Variants in DNM2 observed in about 807,000 individuals in gnomAD.
DNM2 encodes dynamin-2.
A neutral mutation model predicts 99.0 loss-of-function variants in DNM2; 15 were observed. The observed-to-expected ratio is 0.15, with a 90% CI of 0.10 to 0.23. The LOEUF (loss-of-function observed/expected upper bound fraction) is 0.23. DNM2 is among the 10% of genes least tolerant of loss of function. The pLI is 1.00. For missense variants in DNM2, 742 were observed against 1,189.4 expected (o/e 0.62, Z 5.53); for synonymous variants, 525 against 481.2 (o/e 1.09, Z -1.19).
At chr19:10,823,441 G>A (rs1011501575) in intron 16 of DNM2, 3 of 165,804 alleles carry the variant, frequency 1.8e-5, no homozygotes, top group African/African-American at 7.2e-5. Context: ...TAATAATAAA[G>A]TTCTGGTGGA....
intron 7 of DNM2, among the ~76,000 whole-genome samples, chr19:10,791,321 C>G (rs2071744897): frequency 6.6e-6 from 1 of 152,138 alleles, no homozygotes; most frequent in South Asian, 2.1e-4. Flanking sequence ...CTCCTTAGCT[C>G]AAGCGATCCT....
chr19:10,790,249 A>G (rs1199313690), intron 7 of DNM2, among the ~76,000 whole-genome samples: 4 of 152,138 alleles, frequency 2.6e-5, no homozygotes, highest in Non-Finnish European at 5.9e-5. Context: ...TGCAGCCCAC[A>G]GACTGTTCAT....
chr19:10,769,929 C>G (rs975844878), intron 2 of DNM2, among the ~76,000 whole-genome samples: 9 of 152,346 alleles, frequency 5.9e-5, no homozygotes, highest in Middle Eastern at 3.4e-3. Flanking sequence ...CAAAGGCTAT[C>G]TGGCTTAGGA....
chr19:10,747,838 GT>G (rs1225509666), intron 1 of DNM2, among the ~76,000 whole-genome samples: 2 of 152,114 alleles, frequency 1.3e-5, no homozygotes, highest in African/African-American at 4.8e-5. Context: ...GGGTTGATGT[GT>G]GAAAGAAGGG....
chr19:10,825,169 A>G lies in DNM2; in HGVS notation c.2006A>G (p.Lys669Arg). 6.2e-7 allele frequency: 1 copy of G among 1,614,226 alleles called. No individual in the cohort carries two copies. Among genetic ancestry groups the G allele is most frequent in the Non-Finnish European group, 8.5e-7 (1 of 1,180,040 alleles). Residue 669 changes from lysine to arginine, a missense_variant, in exon 18 of 21, where the codon AAG becomes AGG. Transcript: ENST00000389253. ...LVDSYVAIIN[K>R]SIRDLMPKTI... is the part of the protein sequence containing the mutation. ...GACTCATACGTGGCCATCATCAACAAGTCCATCCGCGACCTCATGCCAAAG... is the reference window on the plus strand; with the variant it reads ...GACTCATACGTGGCCATCATCAACAGGTCCATCCGCGACCTCATGCCAAAG...
Position 10,764,203 on chromosome 19 carries a change from A to G in DNM2, c.235+4392A>G, listed in dbSNP as rs1034028070. Among the ~76,000 whole-genome samples, 2 of 152,138 alleles carry G rather than the reference A, an allele frequency of 1.3e-5. No individual in the cohort carries two copies. The highest frequency in any genetic ancestry group is 2.9e-5 in the Non-Finnish European group (2 of 68,016). ...ACCCTTTACTGGCCCGGGACTTGTT[A>G]AAGTGACTTCCCTCTCTGTGCCTTG... On this transcript the variant is annotated intron_variant, in intron 2 of 20. Transcript: ENST00000389253. This position sits in a 1 kb window ranked among gnomAD's most constrained non-coding sequence, Gnocchi z 4.1.
At chr19:10,776,907 C>T (rs563326762) in intron 4 of DNM2, among the ~76,000 whole-genome samples, 51 of 152,332 alleles carry the variant, frequency 3.3e-4, no homozygotes, top group South Asian at 2.3e-3. Context: ...GTGTGCCAGG[C>T]TCACCCTTAT....
intron 1 of DNM2, 147 bp downstream of exon 1, chr19:10,718,550 T>G: frequency 8.7e-7 from 1 of 1,148,562 alleles, no homozygotes; most frequent in Non-Finnish European, 1.1e-6. Flanking sequence ...AGGCGGGCCC[T>G]GTGGGACGCC....
rs751204956 is a variant in DNM2 at position 10,764,897 on chromosome 19, A to C, written c.235+5086A>C. Among the ~76,000 whole-genome samples the C allele has an allele frequency of 1.9e-4, 29 of 151,030 alleles. No individual in the cohort carries two copies. The highest frequency in any genetic ancestry group is 4.0e-4 in the Non-Finnish European group (27 of 67,886). On this transcript the variant is annotated intron_variant, in intron 2 of 20. Transcript: ENST00000389253. The surrounding 1 kb of genome is among the most constrained non-coding windows in gnomAD (Gnocchi z 4.1). ...GTCTGCTGCTCACCCGCACCTGGTC[A>C]CTTGCCGCCTTCGTTCCCCGGTCCC...
Position 10,779,502 on chromosome 19 carries a change from C to CTTTTTTTTTTTTTTTTTTTTTTTTT in DNM2, c.688+2287_688+2311dup, listed in dbSNP as rs55819116. On this transcript the variant is annotated intron_variant, in intron 5 of 20. Coordinates refer to ENST00000389253, the MANE Select transcript of DNM2 (RefSeq NM_001005361.3). ...TCTTTCTTTCTTTCTTTCTTTCTTT[C>CTTTTTTTTTTTTTTTTTTTTTTTTT]TTTTTTTTTTTTTTTTTTTTTTTTT... 2.4e-3 allele frequency among the ~76,000 whole-genome samples: 72 copies of CTTTTTTTTTTTTTTTTTTTTTTTTT among 29,626 alleles called. 1 individual carries two copies. The highest frequency in any genetic ancestry group is 2.8e-3 in the Non-Finnish European group (48 of 17,230). 19.4% of individuals were successfully genotyped at this position (29,626 alleles called of 152,430 possible).
At chr19:10,771,021 G>C (rs1398180806) in intron 2 of DNM2, among the ~76,000 whole-genome samples, 1 of 152,136 alleles carries the variant, frequency 6.6e-6, no homozygotes, top group Non-Finnish European at 1.5e-5. Flanking sequence ...TTGAACTCCT[G>C]GGCTCAAGTG....
At chr19:10,727,423 T>C (rs1453815943) in intron 1 of DNM2, among the ~76,000 whole-genome samples, 1 of 152,054 alleles carries the variant, frequency 6.6e-6, no homozygotes, top group African/African-American at 2.4e-5. Flanking sequence ...TGAAATGCAG[T>C]GGCGTGATCA....
chr19:10,780,928 G>A (rs1274935482), intron 5 of DNM2, among the ~76,000 whole-genome samples: 1 of 150,162 alleles, frequency 6.7e-6, no homozygotes, highest in Non-Finnish European at 1.5e-5. Context: ...TGAGACATGA[G>A]AATCGCTTGA....
intron 6 of DNM2, among the ~76,000 whole-genome samples, chr19:10,784,003 C>T (rs890395004): frequency 6.6e-6 from 1 of 152,068 alleles, no homozygotes; most frequent in African/African-American, 2.4e-5. Context: ...CCTGGCCTAT[C>T]GTTCTCTTCT....
In DNM2 at chr19:10,775,348, C is replaced by T. The variant is rs370957855; in HGVS notation, c.386-355C>T. Among the ~76,000 whole-genome samples the T allele has an allele frequency of 6.6e-6, 1 of 152,216 alleles. No individual in the cohort carries two copies. Among genetic ancestry groups the T allele is most frequent in the Non-Finnish European group, 1.5e-5 (1 of 68,042 alleles). ...CCACCCACCTCGGCCTCCCAAAGTG[C>T]TGGGATTGCAGATGTGAGCCACCGC... is the stretch of plus-strand genomic sequence containing the variant. On this transcript the variant is annotated intron_variant, in intron 3 of 20. Coordinates refer to ENST00000389253, the MANE Select transcript of DNM2 (RefSeq NM_001005361.3). This position sits in a 1 kb window ranked among gnomAD's most constrained non-coding sequence, Gnocchi z 4.3.
At position 10,775,803 on chromosome 19, in the gene DNM2, G is replaced by T. The variant is rs1271034791; in HGVS notation, c.486G>T (p.Gln162His). 1.2e-6 allele frequency: 2 copies of T among 1,614,040 alleles called. No homozygotes were observed. Among genetic ancestry groups the T allele is most frequent in the African/African-American group, 2.7e-5 (2 of 74,914 alleles). The change falls in exon 4 of 21, where the codon CAG becomes CAT. Residue 162 changes from glutamine (Q) to histidine (H), a missense_variant. This residue lies in a region of DNM2 where 192 missense variants were observed against 358.9 expected (regional missense o/e 0.54). Transcript: ENST00000389253. This position sits in a 1 kb window ranked among gnomAD's most constrained non-coding sequence, Gnocchi z 4.3. ...ACCAGATCAAGGACATGATCCTGCA[G>T]TTCATCAGCCGGGAGAGCAGCCTCA... ...IEYQIKDMIL[Q>H]FISRESSLIL...
Position 10,793,724 on chromosome 19 carries a change from G to A in DNM2, c.997G>A (p.Val333Ile). 6.2e-7 allele frequency: 1 copy of A among 1,614,136 alleles called. No individual in the cohort carries two copies. The highest frequency in any genetic ancestry group is 8.5e-7 in the Non-Finnish European group (1 of 1,180,036). ...GCTTTTTCCTTTTCCTCATAGGATG[G>A]TCCAGCAGTTTGGGGTGGATTTTGA... ...TRKTKALLQM[V>I]QQFGVDFEKR... Residue 333 changes from valine (V) to isoleucine (I), a missense_variant, in exon 8 of 21, where the codon GTC becomes ATC. By Grantham distance (29) the Val-to-Ile change is conservative. This residue lies in a region of DNM2 where 14 missense variants were observed against 31.7 expected (regional missense o/e 0.44). Transcript: ENST00000389253.
In DNM2 at chr19:10,817,054, C is replaced by T. The variant is rs531600473; in HGVS notation, c.1672-2926C>T. 6.6e-6 allele frequency among the ~76,000 whole-genome samples: 1 copy of T among 152,192 alleles called. No individual in the cohort carries two copies. Among genetic ancestry groups the T allele is most frequent in the East Asian group, 1.9e-4 (1 of 5,192 alleles). ...GGAGGGGGCAGCCATGGAACCTGAC[C>T]CCCGCCACCACCCAAGTTAGGATCC... On this transcript the variant is annotated intron_variant, in intron 15 of 20. Transcript: ENST00000389253. The surrounding 1 kb of genome is among the most constrained non-coding windows in gnomAD (Gnocchi z 4.6).
chr19:10,806,054 CTG>C, intron 13 of DNM2, 87 bp downstream of exon 13: 5 of 1,549,410 alleles, frequency 3.2e-6, no homozygotes, highest in Non-Finnish European at 4.4e-6. Context: ...GGAGCTCGGC[CTG>C]TGTAAAGCCC....
Sources: gnomAD v4.1 joint callset for allele counts (sites outside exome capture counted in the v4.1 genomes callset) on GRCh38, gnomAD v4.1.1 for gene constraint, gnomAD v4.1.1 regional missense constraint, Gnocchi (gnomAD v3.1) non-coding constraint, MANE v1.5 for transcripts, NCBI Gene and HGNC (gene_info 2026-07-23, HGNC 2026-07-21) for gene names.